The following SMAP1 variants were observed in gnomAD, a reference collection of about 807,000 sequenced individuals.
SMAP1 encodes stromal membrane-associated protein 1.
A neutral mutation model predicts 58.5 loss-of-function variants in SMAP1; 24 were observed. The ratio of observed to expected loss-of-function variants is 0.41; its 90% CI spans 0.30 to 0.58. The LOEUF (loss-of-function observed/expected upper bound fraction) is 0.58, where lower values mean the gene tolerates loss of function less well. Ranked by LOEUF, SMAP1 falls within the 20% of genes least tolerant of loss-of-function variation. The pLI is 0.29. For synonymous variants in SMAP1, 216 were observed against 196.6 expected (o/e 1.10, Z -0.82); for missense variants, 563 against 566.3 (o/e 0.99, Z 0.06).
intron 4 of SMAP1, among the ~76,000 whole-genome samples, chr6:70,776,038 C>T (rs1767532520): frequency 6.6e-6 from 1 of 152,056 alleles, no homozygotes; most frequent in Non-Finnish European, 1.5e-5. Flanking sequence ...GATACTAAAA[C>T]AAAGAGGACA....
intron 6 of SMAP1, among the ~76,000 whole-genome samples, chr6:70,826,444 C>T (rs949823707): frequency 2.6e-5 from 4 of 151,776 alleles, no homozygotes; most frequent in Non-Finnish European, 5.9e-5. Flanking sequence ...TACCAGCACT[C>T]ACTGGTTGCC....
chr6:70,725,093 G>GTTTTTTTTTTTTTTTTT lies in SMAP1; in HGVS notation c.119-7260_119-7244dup, dbSNP rs745587315. ...GACTCCATATCCTAAATTAACCAGTGTTTTTTTTTTTTTTTTTTTTTTTTT... is the reference window on the plus strand; with the variant it reads ...GACTCCATATCCTAAATTAACCAGTGTTTTTTTTTTTTTTTTTTTTTTTTTTTTTTTTTTTTTTTTTT... On this transcript the variant is annotated intron_variant, in intron 1 of 10. Coordinates refer to ENST00000370455, the MANE Select transcript of SMAP1 (RefSeq NM_001044305.3). Among the ~76,000 whole-genome samples the GTTTTTTTTTTTTTTTTT allele has an allele frequency of 2.1e-4, 10 of 47,820 alleles. 4 individuals carry two copies. The highest frequency in any genetic ancestry group is 2.4e-4 in the Non-Finnish European group (6 of 24,998). 31.4% of individuals were successfully genotyped at this position (47,820 alleles called of 152,430 possible). A position where few individuals can be genotyped will look rare whatever the true frequency, so the allele number is the denominator to read the frequency against.
intron 1 of SMAP1, among the ~76,000 whole-genome samples, chr6:70,673,896 TTTTGTTTG>T (rs763249039): frequency 2.0e-5 from 3 of 152,142 alleles, no homozygotes; most frequent in East Asian, 1.9e-4. Flanking sequence ...TCTTTGTCTT[TTTTGTTTG>T]TTTGTTTGTT....
At chr6:70,853,807 A>G (rs541437818) in intron 8 of SMAP1, among the ~76,000 whole-genome samples, 1 of 152,252 alleles carries the variant, frequency 6.6e-6, no homozygotes, top group Non-Finnish European at 1.5e-5. Context: ...ATAGGTGTAC[A>G]TGTGACAAAA....
chr6:70,683,260 T>C (rs892461563), intron 1 of SMAP1, among the ~76,000 whole-genome samples: 1 of 144,456 alleles, frequency 6.9e-6, no homozygotes, highest in Non-Finnish European at 1.5e-5. Context: ...AACCTCCGCC[T>C]CCCGTGTTCA....
At chr6:70,763,599 G>T (rs1478559798) in intron 3 of SMAP1, among the ~76,000 whole-genome samples, 1 of 152,130 alleles carries the variant, frequency 6.6e-6, no homozygotes, top group Non-Finnish European at 1.5e-5. Flanking sequence ...CATGTGGAAA[G>T]AAAAATAGGC....
chr6:70,789,701 G>C (rs1199829842), intron 4 of SMAP1, among the ~76,000 whole-genome samples: 1 of 135,530 alleles, frequency 7.4e-6, no homozygotes. Context: ...GTCCAGCCTG[G>C]GTAACATAGA....
chr6:70,767,320 C>G (rs1336271308), intron 3 of SMAP1, among the ~76,000 whole-genome samples: 3 of 152,078 alleles, frequency 2.0e-5, no homozygotes, highest in East Asian at 1.9e-4. Flanking sequence ...GGCATTGAAT[C>G]TATAAATTAC....
At chr6:70,787,991 A>G (rs1295651000) in intron 4 of SMAP1, among the ~76,000 whole-genome samples, 1 of 152,186 alleles carries the variant, frequency 6.6e-6, no homozygotes, top group Non-Finnish European at 1.5e-5. Context: ...CTATAAAGAC[A>G]CGTGCCCACG....
chr6:70,736,856 C>G (rs1180940348), intron 2 of SMAP1, among the ~76,000 whole-genome samples: 1 of 152,230 alleles, frequency 6.6e-6, no homozygotes, highest in Admixed American at 6.5e-5. Context: ...TTGTTTTACA[C>G]AGTGCATTCA....
chr6:70,824,764 C>T (rs1770042483), intron 6 of SMAP1, among the ~76,000 whole-genome samples: 1 of 152,208 alleles, frequency 6.6e-6, no homozygotes, highest in African/African-American at 2.4e-5. Flanking sequence ...TTTCTATCAA[C>T]TCTACCTTCA....
chr6:70,708,312 A>G (rs1767921421), intron 1 of SMAP1, among the ~76,000 whole-genome samples: 2 of 152,112 alleles, frequency 1.3e-5, no homozygotes, highest in Non-Finnish European at 2.9e-5. Context: ...TTTTCCCCCA[A>G]GGCCGAATTA....
At chr6:70,770,578 G>A (rs957575141) in intron 3 of SMAP1, among the ~76,000 whole-genome samples, 9 of 151,962 alleles carry the variant, frequency 5.9e-5, no homozygotes, top group Admixed American at 5.2e-4. Flanking sequence ...TGTAGTTCTC[G>A]AGCCTTGGCT....
intron 4 of SMAP1, among the ~76,000 whole-genome samples, chr6:70,774,383 A>G (rs549102662): frequency 3.7e-4 from 56 of 152,218 alleles, no homozygotes; most frequent in Non-Finnish European, 6.6e-4. Context: ...TTGATAAGCT[A>G]TAAACCAGTT....
At chr6:70,668,165 C>T in intron 1 of SMAP1, 24 bp downstream of exon 1, 1 of 1,582,370 alleles carries the variant, frequency 6.3e-7, no homozygotes, top group South Asian at 1.1e-5. Flanking sequence ...CGTCGCTGCC[C>T]ACGGTCGGGG....
intron 4 of SMAP1, among the ~76,000 whole-genome samples, chr6:70,777,107 A>C (rs1026937138): frequency 6.6e-6 from 1 of 152,232 alleles, no homozygotes; most frequent in East Asian, 1.9e-4. Context: ...TCCCACCAAC[A>C]GTATCTAAGA....
chr6:70,758,536 A>G (rs1453479227), intron 3 of SMAP1, among the ~76,000 whole-genome samples: 1 of 152,080 alleles, frequency 6.6e-6, no homozygotes, highest in African/African-American at 2.4e-5. Flanking sequence ...TAAATAAATA[A>G]ATAAAAATAA....
Position 70,798,748 on chromosome 6 carries a change from T to G in SMAP1, c.576+11T>G. 1 of 1,539,674 alleles carries G rather than the reference T, an allele frequency of 6.5e-7. No homozygotes were observed. Among genetic ancestry groups the G allele is most frequent in the East Asian group, 2.4e-5 (1 of 41,914 alleles). On this transcript the variant is annotated intron_variant, in intron 6 of 10. Coordinates refer to ENST00000370455, the MANE Select transcript of SMAP1 (RefSeq NM_001044305.3). The stretch of plus-strand genomic sequence containing the variant: ...CTTACAGCTGAAAAGGTAAAATTCT[T>G]TTTTTAAAAATAATCTATTAGGATT...
intron 6 of SMAP1, among the ~76,000 whole-genome samples, chr6:70,823,180 A>T (rs1157226462): frequency 6.6e-6 from 1 of 152,020 alleles, no homozygotes; most frequent in Non-Finnish European, 1.5e-5. Context: ...ACCTTTTAGT[A>T]TGTTTGTAAT....
Sources: allele counts gnomAD v4.1 joint callset (sites outside exome capture counted in the v4.1 genomes callset), GRCh38; gene constraint gnomAD v4.1.1; transcripts MANE v1.5; gene names NCBI Gene and HGNC (gene_info 2026-07-23, HGNC 2026-07-21).